Variants in ARHGEF12 observed in about 807,000 individuals in gnomAD.
ARHGEF12 encodes the protein KMT2A/ARHGEF12 fusion protein.
A neutral mutation model predicts 211.2 loss-of-function variants in ARHGEF12; 66 were observed. The ratio of observed to expected loss-of-function variants is 0.31; its 90% CI spans 0.26 to 0.38. The LOEUF is 0.38. ARHGEF12 is among the 10% of genes least tolerant of loss of function. The pLI, the probability that ARHGEF12 is intolerant of heterozygous loss-of-function variation, is 1.00. For missense variants in ARHGEF12, 1,429 were observed against 1,869.5 expected (o/e 0.76, Z 4.34); for synonymous variants, 592 against 638.4 (o/e 0.93, Z 1.09).
chr11:120,396,213 T>G (rs1026364431), intron 1 of ARHGEF12, among the ~76,000 whole-genome samples: 19 of 152,016 alleles, frequency 1.2e-4, no homozygotes, highest in Admixed American at 7.9e-4. Flanking sequence ...AAAATAAACA[T>G]ACATGAGCCC....
intron 1 of ARHGEF12, among the ~76,000 whole-genome samples, chr11:120,392,910 G>T (rs1256323675): frequency 6.6e-6 from 1 of 152,086 alleles, no homozygotes; most frequent in Non-Finnish European, 1.5e-5. Flanking sequence ...TTACTGTTAG[G>T]CCAAAAAGGC....
In ARHGEF12 at chr11:120,446,375, G is replaced by C. The variant is rs1946048326; in HGVS notation, c.1346-28G>C. On this transcript the variant is annotated intron_variant, in intron 16 of 40. Coordinates refer to ENST00000397843, the MANE Select transcript of ARHGEF12 (RefSeq NM_015313.3). ...GTATGTTGCCCAGAACATACCTTTA[G>C]ATAACATAATTCCTTTCATTTATGA... 3 of 1,566,116 alleles carry C rather than the reference G, an allele frequency of 1.9e-6. No homozygotes were observed. The African/African-American group carries it at 4.1e-5, about 21-fold the overall frequency.
chr11:120,382,658 T>C (rs1176695823), intron 1 of ARHGEF12, among the ~76,000 whole-genome samples: 1 of 152,260 alleles, frequency 6.6e-6, no homozygotes, highest in African/African-American at 2.4e-5. Flanking sequence ...TCATGAGTAC[T>C]GTATGTATTC....
chr11:120,447,251 CT>C, intron 18 of ARHGEF12, 166 bp downstream of exon 18: 2 of 660,860 alleles, frequency 3.0e-6, no homozygotes, highest in African/African-American at 1.9e-5. Flanking sequence ...TTTTCTGATA[CT>C]TTTAGATAAA....
At chr11:120,469,190 C>T in intron 29 of ARHGEF12, 98 bp from the exon 30 acceptor site, 1 of 925,384 alleles carries the variant, frequency 1.1e-6, no homozygotes. Context: ...TCTTAATATG[C>T]TCTTAAAAGT....
At chr11:120,433,182 C>G (rs1945597948) in intron 11 of ARHGEF12, among the ~76,000 whole-genome samples, 1 of 152,266 alleles carries the variant, frequency 6.6e-6, no homozygotes, top group South Asian at 2.1e-4. Flanking sequence ...CAAACTTATT[C>G]AGGCAATAGG....
intron 1 of ARHGEF12, among the ~76,000 whole-genome samples, chr11:120,371,764 A>G (rs1350712172): frequency 6.6e-6 from 1 of 152,186 alleles, no homozygotes; most frequent in Non-Finnish European, 1.5e-5. Flanking sequence ...TAAGGTAAAT[A>G]TGATTTGGTT....
chr11:120,475,433 C>A lies in ARHGEF12; in HGVS notation c.3203C>A (p.Ser1068Tyr). 6 of 1,614,088 alleles carry A rather than the reference C, an allele frequency of 3.7e-6. No individual in the cohort carries two copies. The highest frequency in any genetic ancestry group is 1.6e-4 in the Middle Eastern group (1 of 6,062). Residue 1068 changes from serine to tyrosine, a missense_variant, in exon 33 of 41, where the codon TCT becomes TAT. Transcript: ENST00000397843. ...VLRCHSKILA[S>Y]TADSKHTFSP... ...AGGTGTCATAGTAAGATTCTGGCAT[C>A]TACAGCTGATAGCAAACACACGTTT...
chr11:120,349,644 G>A (rs1942875104), intron 1 of ARHGEF12, among the ~76,000 whole-genome samples: 2 of 152,174 alleles, frequency 1.3e-5, no homozygotes, highest in African/African-American at 4.8e-5. Flanking sequence ...GTAAAAATGG[G>A]AAGAATACCT....
At position 120,442,973 on chromosome 11, in the gene ARHGEF12, A is replaced by C. The variant is rs142872203; in HGVS notation, c.1302+771A>C. 4.0e-3 allele frequency among the ~76,000 whole-genome samples: 600 copies of C among 150,762 alleles called. 17 individuals are homozygous for C. Among genetic ancestry groups the C allele is most frequent in the Admixed American group, 0.026 (391 of 15,158 alleles). On this transcript the variant is annotated intron_variant, in intron 15 of 40. Coordinates refer to ENST00000397843, the MANE Select transcript of ARHGEF12 (RefSeq NM_015313.3). ...CAGATGTATCATCTGCCCTCATTAT[A>C]CCATACCATGTACTCTACTCTTTCT... is the stretch of plus-strand genomic sequence containing the variant.
intron 7 of ARHGEF12, among the ~76,000 whole-genome samples, chr11:120,426,688 G>A (rs1177088693): frequency 1.3e-5 from 2 of 152,126 alleles, no homozygotes; most frequent in East Asian, 1.9e-4. Context: ...ACACTTGTGA[G>A]TATTATACAT....
chr11:120,420,427 A>T (rs186299537), intron 4 of ARHGEF12, among the ~76,000 whole-genome samples: 1 of 152,184 alleles, frequency 6.6e-6, no homozygotes, highest in Non-Finnish European at 1.5e-5. Context: ...TTTTTTTACT[A>T]CAGAGAAATA....
Position 120,457,204 on chromosome 11 carries a change from C to G in ARHGEF12, c.2143C>G (p.Pro715Ala). Residue 715 changes from proline to alanine, a missense_variant, in exon 23 of 41, where the codon CCA becomes GCA. Around this residue, in one of 7 missense-constraint regions of ARHGEF12, gnomAD observed 373 missense variants for 467.5 expected, o/e 0.80. Coordinates refer to ENST00000397843, the MANE Select transcript of ARHGEF12 (RefSeq NM_015313.3). Reference sequence around the variant, plus strand: ...TCTCAATACTGTCTTTGATTTCCCACCACCTCCATTAGACCAAGTGCAGGA... The same window carrying G: ...TCTCAATACTGTCTTTGATTTCCCAGCACCTCCATTAGACCAAGTGCAGGA... The part of the protein sequence containing the change: ...RTLNTVFDFP[P>A]PPLDQVQEEE... The G allele has an allele frequency of 6.2e-7, 1 of 1,614,090 alleles. No individual in the cohort carries two copies. Among genetic ancestry groups the G allele is most frequent in the South Asian group, 1.1e-5 (1 of 91,072 alleles).
intron 1 of ARHGEF12, among the ~76,000 whole-genome samples, chr11:120,358,943 C>T (rs573522527): frequency 6.6e-6 from 1 of 152,192 alleles, no homozygotes; most frequent in East Asian, 1.9e-4. Flanking sequence ...GGGTCCATTT[C>T]CAAGGTGACT....
intron 32 of ARHGEF12, 34 bp from the exon 33 acceptor site, chr11:120,475,306 T>A (rs772132277): frequency 1.3e-6 from 2 of 1,595,410 alleles, no homozygotes; most frequent in Non-Finnish European, 1.7e-6. Flanking sequence ...TCCATTTCTG[T>A]ACTTACCATT....
intron 4 of ARHGEF12, among the ~76,000 whole-genome samples, chr11:120,420,094 A>T (rs1159713521): frequency 6.6e-6 from 1 of 152,230 alleles, no homozygotes; most frequent in Middle Eastern, 3.2e-3. Context: ...TATGAAAGAG[A>T]TGAAGGAACT....
chr11:120,456,014 G>C (rs367678571), intron 22 of ARHGEF12, among the ~76,000 whole-genome samples: 3 of 152,128 alleles, frequency 2.0e-5, no homozygotes, highest in Non-Finnish European at 2.9e-5. Context: ...CATTGGACCG[G>C]TAGGAAAAAA....
intron 1 of ARHGEF12, among the ~76,000 whole-genome samples, chr11:120,359,361 C>T (rs1943216975): frequency 6.6e-6 from 1 of 152,126 alleles, no homozygotes; most frequent in Non-Finnish European, 1.5e-5. Flanking sequence ...GTAGCTGGGA[C>T]TACAGGCATG....
chr11:120,405,568 A>G (rs890138675), intron 1 of ARHGEF12, among the ~76,000 whole-genome samples: 1 of 152,188 alleles, frequency 6.6e-6, no homozygotes, highest in African/African-American at 2.4e-5. Context: ...TCTAAACCTA[A>G]TAATTGAGGA....
Sources: gnomAD v4.1 joint callset for allele counts (sites outside exome capture counted in the v4.1 genomes callset) on GRCh38, gnomAD v4.1.1 for gene constraint, gnomAD v4.1.1 regional missense constraint, MANE v1.5 for transcripts, NCBI Gene and HGNC (gene_info 2026-07-23, HGNC 2026-07-21) for gene names.